FABP6: variants seen among roughly 807,000 people sequenced by gnomAD.
FABP6 encodes the protein gastrotropin.
A neutral mutation model predicts 14.9 loss-of-function variants in FABP6; 13 were observed. That is an observed-to-expected ratio of 0.87 (90% confidence interval 0.57 to 1.39). The LOEUF is 1.39. FABP6 is among the 40% of genes most tolerant of loss of function. The probability of loss-of-function intolerance (pLI) is 0.00; values close to 1 mark genes in which losing one functional copy is unlikely to be tolerated. For missense variants in FABP6, 161 were observed against 167.2 expected, an observed-to-expected ratio of 0.96 and a Z score of 0.20; for synonymous variants, 75 against 63.6, an observed-to-expected ratio of 1.18 and a Z score of -0.85.
chr5:160,201,991 T>C (rs761702179), intron 2 of FABP6, among the ~76,000 whole-genome samples: 8 of 152,196 alleles, frequency 5.3e-5, no homozygotes, highest in Non-Finnish European at 8.8e-5. Context: ...CTTGAACTCC[T>C]GGGCTCAGGC....
At chr5:160,193,460 A>G (rs1372565164) in intron 1 of FABP6, among the ~76,000 whole-genome samples, 1 of 152,294 alleles carries the variant, frequency 6.6e-6, no homozygotes, top group East Asian at 1.9e-4. Context: ...CTGCTGGCTC[A>G]GGCAGCCTGC....
At chr5:160,212,916 C>T (rs774700184) in intron 2 of FABP6, among the ~76,000 whole-genome samples, 2 of 152,160 alleles carry the variant, frequency 1.3e-5, no homozygotes, top group Non-Finnish European at 2.9e-5. Context: ...TACGTCCAGC[C>T]CTCCTATGCA....
In FABP6 at chr5:160,194,228, A is replaced by T. The variant is rs552721842; in HGVS notation, c.-58-4821A>T. ...CAAGCCCACGCCCACCGGCAACTCC[A>T]GCTGGCCCGCAAGCGCCGCACGCAT... On this transcript the variant is annotated intron_variant, in intron 1 of 6. Transcript: ENST00000393980. Among the ~76,000 whole-genome samples the T allele has an allele frequency of 5.9e-5, 9 of 152,326 alleles. No individual in the cohort carries two copies. In the East Asian group the frequency reaches 1.5e-3, roughly 26 times the overall value.
intron 2 of FABP6, among the ~76,000 whole-genome samples, chr5:160,212,864 G>T (rs953560784): frequency 2.6e-5 from 4 of 152,070 alleles, no homozygotes; most frequent in African/African-American, 9.7e-5. Context: ...TGATCTGCCC[G>T]CCTCGGCCTC....
chr5:160,235,912 A>T lies in FABP6; in HGVS notation c.333+1003A>T, dbSNP rs138307454. Among the ~76,000 whole-genome samples the T allele has an allele frequency of 3.1e-3, 473 of 152,244 alleles. 1 individual carries two copies. Among genetic ancestry groups the T allele is most frequent in the African/African-American group, 0.011 (447 of 41,552 alleles). ...AGACACTTATTTCACACAGCTCTGG[A>T]AGCAGGAAAGTACAAGATCAGGGTG... On this transcript the variant is annotated intron_variant, in intron 3 of 3. Coordinates refer to ENST00000402432, the MANE Select transcript of FABP6 (RefSeq NM_001445.3).
intron 1 of FABP6, among the ~76,000 whole-genome samples, chr5:160,196,391 C>A (rs372114681): frequency 7.2e-5 from 11 of 152,180 alleles, no homozygotes; most frequent in African/African-American, 2.7e-4. Flanking sequence ...AAAAAGGAAA[C>A]CTGATGGGGC....
At chr5:160,233,863 C>G (rs1370342112) in intron 2 of FABP6, among the ~76,000 whole-genome samples, 1 of 140,994 alleles carries the variant, frequency 7.1e-6, no homozygotes, top group Admixed American at 7.7e-5. Flanking sequence ...CAGGGCGAGG[C>G]TCCGTCTCAA....
At chr5:160,210,781 T>C (rs928302169) in intron 2 of FABP6, among the ~76,000 whole-genome samples, 3 of 152,156 alleles carry the variant, frequency 2.0e-5, no homozygotes, top group Non-Finnish European at 4.4e-5. Flanking sequence ...TAGTTCCCAA[T>C]AACTAGAGAT....
intron 3 of FABP6, among the ~76,000 whole-genome samples, chr5:160,236,573 A>T (rs2113151325): frequency 6.6e-6 from 1 of 152,294 alleles, no homozygotes; most frequent in East Asian, 1.9e-4. Context: ...CACAACTAGT[A>T]CATGCAGAGG....
exon 2 of FABP6, chr5:160,199,104 G>A: frequency 6.2e-7 from 1 of 1,614,132 alleles, no homozygotes; most frequent in Non-Finnish European, 8.5e-7. Context: ...CAGCCCAGAG[G>A]CGATGAAGAC....
At chr5:160,200,213 T>C (rs2113074166) in intron 2 of FABP6, among the ~76,000 whole-genome samples, 1 of 152,282 alleles carries the variant, frequency 6.6e-6, no homozygotes, top group East Asian at 1.9e-4. Context: ...ACATGCAACA[T>C]GCTTAGCACT....
chr5:160,238,678 G>T lies in FABP6; in HGVS notation c.*19G>T. The T allele has an allele frequency of 6.2e-7, 1 of 1,613,166 alleles. No homozygotes were observed. The highest frequency in any genetic ancestry group is 2.2e-5 in the East Asian group (1 of 44,838). On this transcript the variant is annotated 3_prime_UTR_variant, in exon 4 of 4. Transcript: ENST00000402432. ...GGCCTAAGCAGCCAGGCCCGGCCCA[G>T]GGAGCTACAAACCCACCAATAAAAC...
At chr5:160,193,287 C>T (rs1009658336) in intron 1 of FABP6, among the ~76,000 whole-genome samples, 24 of 151,972 alleles carry the variant, frequency 1.6e-4, no homozygotes, top group African/African-American at 5.6e-4. Context: ...CCGGTGGGCT[C>T]GTGGTCTCGC....
intron 1 of FABP6, among the ~76,000 whole-genome samples, chr5:160,229,856 ATTTTAT>A (rs1760335414): frequency 1.9e-5 from 2 of 103,466 alleles, no homozygotes; most frequent in Non-Finnish European, 4.4e-5. Flanking sequence ...ATTTTATTTT[ATTTTAT>A]TTTATTTTAT....
At chr5:160,225,281 G>C (rs1295424840), upstream of FABP6, among the ~76,000 whole-genome samples, 2 of 145,126 alleles carry the variant, frequency 1.4e-5, no homozygotes, top group East Asian at 4.2e-4. Context: ...ATTTTTACTA[G>C]AGATGGGGTT....
At chr5:160,234,970 C>G in intron 3 of FABP6, 61 bp downstream of exon 3, 1 of 1,494,872 alleles carries the variant, frequency 6.7e-7, no homozygotes, top group East Asian at 2.3e-5. Flanking sequence ...TTGGCCACAG[C>G]CCCTCAGAAG....
At chr5:160,214,143 CTTTCTTTCT>C (rs1759961844) in intron 3 of FABP6, among the ~76,000 whole-genome samples, 1 of 141,328 alleles carries the variant, frequency 7.1e-6, no homozygotes, top group Non-Finnish European at 1.5e-5. Context: ...TTCTTTCTTT[CTTTCTTTCT>C]TTCTTTCCTT....
At chr5:160,234,716 C>T (rs2421775) in intron 2 of FABP6, 104 bp from the exon 3 acceptor site, 331,022 of 772,584 alleles carry the variant, frequency 0.43, 71,882 homozygotes, top group South Asian at 0.54. Context: ...CATAAGCCAC[C>T]GTGCCTGGCC....
chr5:160,228,599 G>C (rs986195229), upstream of FABP6: 2 of 452,918 alleles, frequency 4.4e-6, no homozygotes, highest in East Asian at 7.0e-5. Flanking sequence ...ACCCCTTCCA[G>C]CTCTGAAGCT....
Sources: gnomAD v4.1 joint callset for allele counts (sites outside exome capture counted in the v4.1 genomes callset) on GRCh38, gnomAD v4.1.1 for gene constraint, MANE v1.5 for transcripts, NCBI Gene and HGNC (gene_info 2026-07-23, HGNC 2026-07-21) for gene names.